The following USH2A variants were observed in gnomAD, a reference collection of about 807,000 sequenced individuals.
USH2A encodes Usher syndrome 2A (autosomal recessive, mild).
In USH2A, 443 loss-of-function variants were observed where a neutral mutation model predicts 538.9. That is an observed-to-expected ratio of 0.82 (90% CI 0.76 to 0.89). The LOEUF (loss-of-function observed/expected upper bound fraction) is 0.89. Ranked by LOEUF, USH2A falls within the 40% of genes least tolerant of loss-of-function variation. The probability of loss-of-function intolerance (pLI) is 0.00; values close to 1 mark genes in which losing one functional copy is unlikely to be tolerated. For missense variants in USH2A, 6,633 were observed against 6,324.8 expected (o/e 1.05, Z -1.65); for synonymous variants, 2,413 against 2,273.5 (o/e 1.06, Z -1.75).
At chr1:215,770,251 G>C (rs1455619725) in intron 55 of USH2A, among the ~76,000 whole-genome samples, 1 of 152,158 alleles carries the variant, frequency 6.6e-6, no homozygotes, top group East Asian at 1.9e-4. Context: ...ATAAGAGCTA[G>C]AGCTAACAGT....
Position 215,639,166 on chromosome 1 carries a change from G to T in USH2A, c.15041C>A (p.Ser5014Tyr), listed in dbSNP as rs1656595783. Residue 5014 changes from serine to tyrosine, a missense_variant, in exon 69 of 72, where the codon TCT becomes TAT. Transcript: ENST00000307340. Reference protein sequence around the residue: ...VKTPLIQYDTSTGLGLVLTTP... With the variant: ...VKTPLIQYDTYTGLGLVLTTP... ...TATGAGTTGTTTACCAAGTCCAGTA[G>T]AGGTATCATATTGGATCAACGGCGT... The T allele has an allele frequency of 1.2e-6, 2 of 1,614,084 alleles. No homozygotes were observed. Among genetic ancestry groups the T allele is most frequent in the Non-Finnish European group, 1.7e-6 (2 of 1,179,970 alleles).
intron 61 of USH2A, among the ~76,000 whole-genome samples, chr1:215,711,667 T>C (rs1373710058): frequency 6.6e-6 from 1 of 152,242 alleles, no homozygotes; most frequent in East Asian, 1.9e-4. Context: ...TTAGTCATTC[T>C]AACCATTCAA....
intron 38 of USH2A, among the ~76,000 whole-genome samples, chr1:215,934,345 T>C (rs1384934147): frequency 1.3e-5 from 2 of 151,860 alleles, no homozygotes; most frequent in Admixed American, 6.6e-5. Context: ...CAGATATATA[T>C]ATGTGTGTGT....
intron 61 of USH2A, among the ~76,000 whole-genome samples, chr1:215,726,720 C>A (rs1659829614): frequency 6.6e-6 from 1 of 152,066 alleles, no homozygotes; most frequent in African/African-American, 2.4e-5. Context: ...ATTTGTATTT[C>A]ACTCCCAAGA....
At chr1:216,192,420 A>G (rs1167705164) in intron 19 of USH2A, among the ~76,000 whole-genome samples, 2 of 152,054 alleles carry the variant, frequency 1.3e-5, no homozygotes, top group Non-Finnish European at 2.9e-5. Context: ...GGCCCAGTGC[A>G]GTGGCTCATG....
intron 35 of USH2A, among the ~76,000 whole-genome samples, chr1:215,974,370 C>T (rs1289827818): frequency 2.6e-5 from 4 of 152,064 alleles, no homozygotes; most frequent in South Asian, 2.1e-4. Flanking sequence ...ATTTTAGATT[C>T]GGGGGTTCAT....
chr1:215,972,868 A>T (rs770901981), intron 35 of USH2A, among the ~76,000 whole-genome samples: 2 of 152,178 alleles, frequency 1.3e-5, no homozygotes, highest in Non-Finnish European at 2.9e-5. Context: ...ATGAATACCT[A>T]TGGAAGGTAT....
Position 215,637,236 on chromosome 1 carries a change from T to C in USH2A, c.15052+1919A>G, listed in dbSNP as rs571118851. On this transcript the variant is annotated intron_variant, in intron 69 of 71. Coordinates refer to ENST00000307340, the MANE Select transcript of USH2A (RefSeq NM_206933.4). ...GCAGGGCTTAGAAGGCGAGCAACCT[T>C]GGTTTTCCGGCATCACTCAACACGT... Among the ~76,000 whole-genome samples, 5 of 152,242 alleles carry C rather than the reference T, an allele frequency of 3.3e-5. No individual in the cohort carries two copies. The East Asian group carries it at 9.7e-4, about 30-fold the overall frequency.
At chr1:216,129,214 G>A (rs1330607663) in intron 21 of USH2A, among the ~76,000 whole-genome samples, 1 of 152,042 alleles carries the variant, frequency 6.6e-6, no homozygotes, top group East Asian at 1.9e-4. Context: ...AAATAAACAT[G>A]AGAGTGTAAA....
At chr1:215,824,991 C>T (rs1302463447) in intron 47 of USH2A, among the ~76,000 whole-genome samples, 1 of 152,038 alleles carries the variant, frequency 6.6e-6, no homozygotes, top group Non-Finnish European at 1.5e-5. Flanking sequence ...CAGTTCTGTA[C>T]ATTTGTTTCT....
intron 4 of USH2A, among the ~76,000 whole-genome samples, chr1:216,331,815 T>A (rs1252502435): frequency 6.6e-6 from 1 of 152,050 alleles, no homozygotes; most frequent in Non-Finnish European, 1.5e-5. Flanking sequence ...GTAAAAACTA[T>A]AAGACATTGA....
At position 215,779,801 on chromosome 1, in the gene USH2A, C is replaced by T. The variant is rs755152138; in HGVS notation, c.10939+42G>A. 5.6e-6 allele frequency: 9 copies of T among 1,607,372 alleles called. No homozygotes were observed. In the South Asian group the frequency reaches 9.9e-5, roughly 18 times the overall value. On this transcript the variant is annotated intron_variant, in intron 55 of 71. Coordinates refer to ENST00000307340, the MANE Select transcript of USH2A (RefSeq NM_206933.4). ...TGCTTTGCCCCCCTAACCACAATGA[C>T]AGACTCCTCCAGTAGGATTTCCTTT...
intron 37 of USH2A, among the ~76,000 whole-genome samples, chr1:215,959,360 T>C (rs1174427246): frequency 6.6e-6 from 1 of 152,124 alleles, no homozygotes; most frequent in Admixed American, 6.6e-5. Flanking sequence ...GCTCATTTCA[T>C]GAGCATTTAA....
chr1:215,737,566 A>G (rs945070426), intron 60 of USH2A, among the ~76,000 whole-genome samples: 1 of 151,890 alleles, frequency 6.6e-6, no homozygotes, highest in Admixed American at 6.6e-5. Context: ...CCTGTCTTAT[A>G]TCTCCCACTG....
intron 36 of USH2A, among the ~76,000 whole-genome samples, chr1:215,966,778 T>C (rs1667357789): frequency 6.6e-6 from 1 of 152,180 alleles, no homozygotes; most frequent in South Asian, 2.1e-4. Context: ...GTTCATATTA[T>C]TGTACATAGA....
chr1:216,042,848 G>T (rs2030339414), intron 32 of USH2A, among the ~76,000 whole-genome samples: 1 of 151,998 alleles, frequency 6.6e-6, no homozygotes, highest in Admixed American at 6.6e-5. Context: ...AATAGGACTG[G>T]CATCCTCAGA....
intron 49 of USH2A, among the ~76,000 whole-genome samples, chr1:215,808,335 C>T (rs1662561702): frequency 6.6e-6 from 1 of 152,068 alleles, no homozygotes; most frequent in African/African-American, 2.4e-5. Flanking sequence ...AGGAGCTCAA[C>T]CTAAAATTTA....
chr1:215,702,040 C>T (rs1659039833), intron 61 of USH2A, among the ~76,000 whole-genome samples: 1 of 152,118 alleles, frequency 6.6e-6, no homozygotes, highest in Admixed American at 6.5e-5. Flanking sequence ...TCAGCATTTG[C>T]TTATCTGTAA....
At chr1:215,975,999 G>A (rs1254901959) in intron 35 of USH2A, among the ~76,000 whole-genome samples, 2 of 152,102 alleles carry the variant, frequency 1.3e-5, no homozygotes, top group Admixed American at 1.3e-4. Flanking sequence ...TTTTACCAGT[G>A]TTTTCTAGTT....
Sources: gnomAD v4.1 joint callset for allele counts (sites outside exome capture counted in the v4.1 genomes callset) on GRCh38, gnomAD v4.1.1 for gene constraint, MANE v1.5 for transcripts, NCBI Gene and HGNC (gene_info 2026-07-23, HGNC 2026-07-21) for gene names.